Variants in NFIC observed in about 807,000 individuals in gnomAD.
NFIC encodes the protein nuclear factor I C.
In NFIC, 12 loss-of-function variants were observed where a neutral mutation model predicts 54.4. That is an observed-to-expected ratio of 0.22 (90% CI 0.14 to 0.36). NFIC has a LOEUF of 0.36. Among genes scored for constraint, NFIC ranks in the 10% least tolerant of loss-of-function variants. The pLI is 1.00. For synonymous variants in NFIC, 322 were observed against 319.2 expected, an observed-to-expected ratio of 1.01 and a Z score of -0.09; for missense variants, 575 against 718.2, an observed-to-expected ratio of 0.80 and a Z score of 2.28.
chr19:3,408,386 C>T (rs1270230534), intron 2 of NFIC, among the ~76,000 whole-genome samples: 1 of 152,162 alleles, frequency 6.6e-6, no homozygotes, highest in African/African-American at 2.4e-5. Context: ...ATTCCCAACA[C>T]CTGAGAGTCC....
intron 10 of NFIC, among the ~76,000 whole-genome samples, chr19:3,457,546 G>A (rs905353682): frequency 6.6e-5 from 10 of 152,184 alleles, no homozygotes; most frequent in African/African-American, 2.4e-4. Context: ...TCTCTCCCCG[G>A]TTTGTGTTGG....
chr19:3,387,375 G>A (rs894674764), intron 2 of NFIC, among the ~76,000 whole-genome samples: 6 of 152,108 alleles, frequency 3.9e-5, no homozygotes, highest in South Asian at 2.1e-4. Flanking sequence ...GGTGGCGGGC[G>A]TCTGTAGTAC....
At chr19:3,412,642 A>C (rs1336471011) in intron 2 of NFIC, among the ~76,000 whole-genome samples, 6 of 152,114 alleles carry the variant, frequency 3.9e-5, no homozygotes, top group Non-Finnish European at 8.8e-5. Context: ...TAATTTGCTT[A>C]CCCTCTCTGG....
intron 1 of NFIC, among the ~76,000 whole-genome samples, 165 bp from the exon 2 acceptor site, chr19:3,381,547 C>T (rs1161145020): frequency 6.6e-6 from 1 of 152,164 alleles, no homozygotes; most frequent in African/African-American, 2.4e-5. Context: ...TGCGTGCCTC[C>T]GGCGGCGTGC....
rs2082605305 is a variant in NFIC, at chr19:3,459,210, C to A, written c.1509+2575C>A. The stretch of plus-strand genomic sequence containing the variant: ...AGCCTGGGTGGGCGCGCCTTTCCCT[C>A]TGCCTCTCCGGCTCCCGACACCCCC... On this transcript the variant is annotated intron_variant, in intron 10 of 10. Coordinates refer to ENST00000443272, the MANE Select transcript of NFIC (RefSeq NM_001245002.2). This position sits in a 1 kb window ranked among gnomAD's most constrained non-coding sequence, Gnocchi z 4.2. Among the ~76,000 whole-genome samples, 1 of 151,568 alleles carries A rather than the reference C, an allele frequency of 6.6e-6. No homozygotes were observed. The highest frequency in any genetic ancestry group is 2.4e-5 in the African/African-American group (1 of 41,292).
At chr19:3,438,978 G>A (rs2082249621) in intron 6 of NFIC, among the ~76,000 whole-genome samples, 1 of 152,084 alleles carries the variant, frequency 6.6e-6, no homozygotes, top group Non-Finnish European at 1.5e-5. Context: ...CCTCCCCGAG[G>A]AGGAGAATCA....
chr19:3,428,852 G>A (rs2082069132), intron 3 of NFIC, among the ~76,000 whole-genome samples: 1 of 151,956 alleles, frequency 6.6e-6, no homozygotes, highest in African/African-American at 2.4e-5. Flanking sequence ...ACACCAGCTG[G>A]CCAGCTGGGT....
chr19:3,454,446 C>CT (rs1221294018), intron 9 of NFIC: 1 of 180,246 alleles, frequency 5.5e-6, no homozygotes, highest in Non-Finnish European at 1.1e-5. Context: ...AGATGGGACT[C>CT]TCTTCGCCTG....
rs756097501 is a variant in NFIC, at chr19:3,366,678, G to A, written c.30+12G>A. On this transcript the variant is annotated intron_variant, in intron 1 of 10. Coordinates refer to ENST00000443272, the MANE Select transcript of NFIC (RefSeq NM_001245002.2). ...TCTGCCTCACCCAGGTACGGTCCTC[G>A]CCCGGCCCCCCGCCGGCGCCCCCGC... is the stretch of plus-strand genomic sequence containing the variant. The A allele has an allele frequency of 1.4e-6, 2 of 1,411,858 alleles. No individual in the cohort carries two copies. The highest frequency in any genetic ancestry group is 1.9e-6 in the Non-Finnish European group (2 of 1,080,018). The allele number at this position is 1,411,858 out of a possible 1,614,324, so 87.5% of individuals were successfully genotyped here.
At chr19:3,416,467 A>C (rs1339028241) in intron 2 of NFIC, among the ~76,000 whole-genome samples, 1 of 150,976 alleles carries the variant, frequency 6.6e-6, no homozygotes, top group Admixed American at 6.6e-5. Context: ...TTTAATATAC[A>C]AATATATTTG....
At chr19:3,359,820 C>T (rs1300296350) in intron 1 of NFIC, 25 of 959,854 alleles carry the variant, frequency 2.6e-5, no homozygotes, top group Non-Finnish European at 3.4e-5. Flanking sequence ...GCGGGGACCC[C>T]CACTCGCCAG....
chr19:3,419,809 A>C (rs964997715), intron 2 of NFIC, among the ~76,000 whole-genome samples: 1 of 151,954 alleles, frequency 6.6e-6, no homozygotes, highest in Non-Finnish European at 1.5e-5. Flanking sequence ...AAAAAAAAAA[A>C]AAAATTTAAT....
chr19:3,381,754 C>A lies in NFIC; in HGVS notation c.73C>A (p.Arg25Ser), dbSNP rs931948831. Residue 25 changes from arginine to serine, a missense_variant, in exon 2 of 11, where the codon CGC becomes AGC. Arg to Ser is a moderately radical substitution (Grantham distance 110). Coordinates refer to ENST00000443272, the MANE Select transcript of NFIC (RefSeq NM_001245002.2). The part of the protein sequence containing the change: ...PFIEALLPHV[R>S]AFAYTWFNLQ... ...CATCGAGGCCCTGCTGCCTCACGTC[C>A]GCGCCTTCGCCTACACCTGGTTCAA... is the stretch of plus-strand genomic sequence containing the variant. 6.2e-6 allele frequency: 10 copies of A among 1,613,744 alleles called. No homozygotes were observed. Among genetic ancestry groups the A allele is most frequent in the Non-Finnish European group, 8.5e-6 (10 of 1,179,956 alleles).
Position 3,464,356 on chromosome 19 carries a change from A to G in NFIC, c.*1587A>G. Reference sequence around the variant, plus strand: ...CCATCTGCTAAGCGTTTTTCCGTTGAGCCGCTCCAAAAACACTAAGCTGGG... The same window carrying G: ...CCATCTGCTAAGCGTTTTTCCGTTGGGCCGCTCCAAAAACACTAAGCTGGG... On this transcript the variant is annotated 3_prime_UTR_variant, in exon 11 of 11. Transcript: ENST00000443272. The G allele has an allele frequency of 1.0e-6, 1 of 984,728 alleles. No individual in the cohort carries two copies. The highest frequency in any genetic ancestry group is 1.2e-6 in the Non-Finnish European group (1 of 829,722). 61.0% of individuals were successfully genotyped at this position (984,728 alleles called of 1,614,324 possible).
chr19:3,406,571 A>G (rs996477179), intron 2 of NFIC, among the ~76,000 whole-genome samples: 16 of 152,196 alleles, frequency 1.1e-4, no homozygotes, highest in Non-Finnish European at 1.9e-4. Context: ...TACCTAGGAC[A>G]GGGCATGGTA....
At chr19:3,387,788 T>G (rs1368671548) in intron 2 of NFIC, among the ~76,000 whole-genome samples, 34 of 146,302 alleles carry the variant, frequency 2.3e-4, no homozygotes, top group African/African-American at 8.7e-4. Context: ...GGCCTTCCAG[T>G]GAGGGTGACC....
chr19:3,438,354 A>G (rs2082237894), intron 6 of NFIC, among the ~76,000 whole-genome samples: 1 of 151,744 alleles, frequency 6.6e-6, no homozygotes, highest in African/African-American at 2.4e-5. Flanking sequence ...AGGGAATGTC[A>G]GAGGAGGTCT....
At chr19:3,392,955 T>G (rs1451743585) in intron 2 of NFIC, among the ~76,000 whole-genome samples, 1 of 152,200 alleles carries the variant, frequency 6.6e-6, no homozygotes, top group East Asian at 1.9e-4. Context: ...TTTTTTATTT[T>G]TTGGAGACGG....
chr19:3,452,692 C>A lies in NFIC; in HGVS notation c.1269+26C>A. ...GTGAGTTGGGCGGGGCGCATTCGGG[C>A]CTCTCCTGGCGGCTCCAGGTGACCT... is the stretch of plus-strand genomic sequence containing the variant. On this transcript the variant is annotated intron_variant, in intron 8 of 10. Coordinates refer to ENST00000443272, the MANE Select transcript of NFIC (RefSeq NM_001245002.2). The surrounding 1 kb of genome is among the most constrained non-coding windows in gnomAD (Gnocchi z 5.3). 6.4e-7 allele frequency: 1 copy of A among 1,566,408 alleles called. No homozygotes were observed. Among genetic ancestry groups the A allele is most frequent in the Non-Finnish European group, 8.6e-7 (1 of 1,158,604 alleles).
Sources: gnomAD v4.1 joint callset for allele counts (sites outside exome capture counted in the v4.1 genomes callset) on GRCh38, gnomAD v4.1.1 for gene constraint, Gnocchi (gnomAD v3.1) non-coding constraint, MANE v1.5 for transcripts, NCBI Gene and HGNC (gene_info 2026-07-23, HGNC 2026-07-21) for gene names.